Variants in CLASP1 observed in about 807,000 individuals in gnomAD.
The protein encoded by CLASP1 is CLIP-associating protein 1.
A neutral mutation model predicts 192.3 loss-of-function variants in CLASP1; 38 were observed. The observed-to-expected ratio is 0.20, with a 90% CI of 0.15 to 0.26. The LOEUF (loss-of-function observed/expected upper bound fraction) is 0.26. Among genes scored for constraint, CLASP1 ranks in the 10% least tolerant of loss-of-function variants. The probability of loss-of-function intolerance (pLI) is 1.00; values close to 1 mark genes in which losing one functional copy is unlikely to be tolerated. For missense variants in CLASP1, 1,433 were observed against 1,932.5 expected, an observed-to-expected ratio of 0.74 and a Z score of 4.85; for synonymous variants, 691 against 712.8, an observed-to-expected ratio of 0.97 and a Z score of 0.49.
intron 14 of CLASP1, among the ~76,000 whole-genome samples, chr2:121,455,261 T>A (rs539593847): frequency 6.6e-6 from 1 of 152,236 alleles, no homozygotes. Flanking sequence ...TTGTCTTTCA[T>A]GTAGTTATTA....
chr2:121,495,423 G>A (rs1559434204), intron 8 of CLASP1, among the ~76,000 whole-genome samples: 1 of 152,212 alleles, frequency 6.6e-6, no homozygotes, highest in Non-Finnish European at 1.5e-5. Context: ...CGCTTTGGGA[G>A]GCTGAGGCGG....
At chr2:121,528,635 C>T (rs368957958) in intron 4 of CLASP1, 42 bp downstream of exon 4, 28 of 1,480,660 alleles carry the variant, frequency 1.9e-5, no homozygotes, top group Middle Eastern at 1.7e-4. Context: ...TGCATGCACG[C>T]GCACTGGCCA....
chr2:121,566,244 A>G (rs1210151037), intron 2 of CLASP1, among the ~76,000 whole-genome samples: 1 of 152,250 alleles, frequency 6.6e-6, no homozygotes, highest in Non-Finnish European at 1.5e-5. Flanking sequence ...CACAGGCCAG[A>G]CCTCAAGGTG....
intron 18 of CLASP1, among the ~76,000 whole-genome samples, chr2:121,447,951 C>T (rs77299604): frequency 1.4e-4 from 21 of 152,326 alleles, no homozygotes; most frequent in African/African-American, 4.3e-4. Flanking sequence ...GCTCAAAACG[C>T]CACCAAGATG....
At chr2:121,573,954 T>C (rs2060216057) in intron 2 of CLASP1, among the ~76,000 whole-genome samples, 1 of 152,198 alleles carries the variant, frequency 6.6e-6, no homozygotes, top group South Asian at 2.1e-4. Flanking sequence ...AGAGTGGTGG[T>C]TACCAGGGTG....
intron 5 of CLASP1, 106 bp from the exon 6 acceptor site, chr2:121,526,026 C>T (rs1367957893): frequency 9.5e-6 from 7 of 737,750 alleles, no homozygotes; most frequent in Admixed American, 4.2e-5. Context: ...TCCCCATCAC[C>T]ACCTCATACC....
chr2:121,552,300 G>A (rs1428422141), intron 2 of CLASP1, among the ~76,000 whole-genome samples: 3 of 152,128 alleles, frequency 2.0e-5, no homozygotes, highest in African/African-American at 7.2e-5. Flanking sequence ...TCATGACAAA[G>A]ACACCAAAAG....
chr2:121,460,234 A>C, intron 11 of CLASP1, 109 bp from the exon 12 acceptor site: 1 of 839,534 alleles, frequency 1.2e-6, no homozygotes, highest in Non-Finnish European at 1.8e-6. Flanking sequence ...AGTTCAACTG[A>C]TTAGAAAGCT....
intron 1 of CLASP1, among the ~76,000 whole-genome samples, chr2:121,611,586 A>G (rs2065506356): frequency 7.4e-6 from 1 of 134,630 alleles, no homozygotes; most frequent in Non-Finnish European, 1.6e-5. Context: ...AGGAAGAGGA[A>G]CTGGAGGAGG....
chr2:121,433,120 G>A (rs149940734), intron 19 of CLASP1, among the ~76,000 whole-genome samples: 45 of 152,118 alleles, frequency 3.0e-4, no homozygotes, highest in Non-Finnish European at 1.5e-4. Flanking sequence ...TCAGGAGCTC[G>A]AGACTAGCCT....
At chr2:121,456,396 T>TA (rs2086669158) in intron 14 of CLASP1, among the ~76,000 whole-genome samples, 1 of 150,380 alleles carries the variant, frequency 6.6e-6, no homozygotes, top group South Asian at 2.1e-4. Flanking sequence ...TGTGTGCCTA[T>TA]AGTCCCAGCT....
chr2:121,445,018 CA>C, intron 19 of CLASP1: 1 of 1,167,092 alleles, frequency 8.6e-7, no homozygotes, highest in East Asian at 4.9e-5. Flanking sequence ...TAGTAACATT[CA>C]AAAAATTAAA....
chr2:121,640,635 C>G (rs1014146453), intron 1 of CLASP1, among the ~76,000 whole-genome samples: 1 of 152,008 alleles, frequency 6.6e-6, no homozygotes, highest in Non-Finnish European at 1.5e-5. Flanking sequence ...GCATACCTTT[C>G]CCCAAGGCAG....
intron 14 of CLASP1, among the ~76,000 whole-genome samples, chr2:121,454,587 G>C (rs918926661): frequency 6.6e-6 from 1 of 152,174 alleles, no homozygotes; most frequent in Non-Finnish European, 1.5e-5. Context: ...GAAAGTTTAC[G>C]AATTTGTATT....
chr2:121,632,599 T>TA (rs894924325), intron 1 of CLASP1, among the ~76,000 whole-genome samples: 1 of 151,722 alleles, frequency 6.6e-6, no homozygotes, highest in African/African-American at 2.4e-5. Context: ...ACATGAAGTT[T>TA]AAAAAAAGTA....
chr2:121,346,994 C>A (rs2063532658), intron 39 of CLASP1, 44 bp downstream of exon 40: 1 of 1,231,734 alleles, frequency 8.1e-7, no homozygotes, highest in Non-Finnish European at 1.2e-6. Context: ...GACAAGCTGG[C>A]AGAGCCCAGG....
intron 16 of CLASP1, among the ~76,000 whole-genome samples, chr2:121,450,160 T>C (rs950287651): frequency 6.6e-6 from 1 of 152,018 alleles, no homozygotes; most frequent in Non-Finnish European, 1.5e-5. Context: ...TGAAACCATG[T>C]GTCTACTAAA....
At position 121,425,201 on chromosome 2, in the gene CLASP1, C is replaced by T. The variant is rs558478108; in HGVS notation, c.2150G>A (p.Arg717Gln). 1.4e-5 allele frequency: 22 copies of T among 1,613,356 alleles called. No homozygotes were observed. The highest frequency in any genetic ancestry group is 1.6e-4 in the Middle Eastern group (1 of 6,062). ...TCCCTGGCTCCTGGGAATCTTGCTT[C>T]GCTTTTCTGAAGACGGTGTCACAGG... is the stretch of plus-strand genomic sequence containing the variant. The change falls in exon 22 of 40, where the codon CGA becomes CAA. Residue 717 changes from arginine to glutamine, a missense_variant. Transcript: ENST00000263710.
At chr2:121,615,779 G>C (rs1177703762) in intron 1 of CLASP1, among the ~76,000 whole-genome samples, 1 of 151,676 alleles carries the variant, frequency 6.6e-6, no homozygotes, top group African/African-American at 2.4e-5. Context: ...GCAAGACTCT[G>C]TCTCAAAAAA....
Sources: allele counts gnomAD v4.1 joint callset (sites outside exome capture counted in the v4.1 genomes callset), GRCh38; gene constraint gnomAD v4.1.1; transcripts MANE v1.5; gene names NCBI Gene and HGNC (gene_info 2026-07-23, HGNC 2026-07-21).